Variants in ANKS1B observed in about 807,000 individuals in gnomAD.
ANKS1B encodes ankyrin repeat and sterile alpha motif domain-containing protein 1B.
A neutral mutation model predicts 148.3 loss-of-function variants in ANKS1B; 36 were observed. That is an observed-to-expected ratio of 0.24 (90% CI 0.19 to 0.32). The LOEUF (loss-of-function observed/expected upper bound fraction) is 0.32, where lower values mean the gene tolerates loss of function less well. Ranked by LOEUF, ANKS1B falls within the 10% of genes least tolerant of loss-of-function variation. The pLI is 1.00. For missense variants in ANKS1B, 1,157 were observed against 1,542.6 expected, an observed-to-expected ratio of 0.75 and a Z score of 4.19; for synonymous variants, 542 against 560.8, an observed-to-expected ratio of 0.97 and a Z score of 0.47.
chr12:99,013,977 A>AAACT (rs1426277252), intron 17 of ANKS1B, among the ~76,000 whole-genome samples: 1 of 152,216 alleles, frequency 6.6e-6, no homozygotes, highest in Non-Finnish European at 1.5e-5. Context: ...TATTCCTATC[A>AAACT]AACTACCATT....
intron 9 of ANKS1B, among the ~76,000 whole-genome samples, chr12:99,519,111 AT>A (rs2096850717): frequency 6.6e-6 from 1 of 152,024 alleles, no homozygotes; most frequent in Non-Finnish European, 1.5e-5. Flanking sequence ...ATTTGGTTGA[AT>A]GTTTTCAAAT....
At chr12:98,758,576 C>G (rs1454724362) in intron 25 of ANKS1B, among the ~76,000 whole-genome samples, 1 of 152,074 alleles carries the variant, frequency 6.6e-6, no homozygotes, top group African/African-American at 2.4e-5. Context: ...CACAGGAATT[C>G]TTCATCTTTG....
intron 12 of ANKS1B, among the ~76,000 whole-genome samples, chr12:99,394,402 G>A (rs1370954043): frequency 6.6e-6 from 1 of 152,004 alleles, no homozygotes; most frequent in Non-Finnish European, 1.5e-5. Context: ...ATTCCCCTGT[G>A]AAGAAATTCC....
chr12:99,182,925 A>G (rs2079301946), intron 14 of ANKS1B, among the ~76,000 whole-genome samples: 1 of 152,186 alleles, frequency 6.6e-6, no homozygotes, highest in African/African-American at 2.4e-5. Context: ...TGTTGAACAC[A>G]CTTTTATATG....
At chr12:99,873,874 C>G (rs1156806921) in intron 1 of ANKS1B, among the ~76,000 whole-genome samples, 1 of 151,984 alleles carries the variant, frequency 6.6e-6, no homozygotes, top group Non-Finnish European at 1.5e-5. Flanking sequence ...GGGGATTCCA[C>G]CAGCAGACCA....
At chr12:99,239,811 C>G (rs1297796926) in intron 14 of ANKS1B, among the ~76,000 whole-genome samples, 1 of 152,152 alleles carries the variant, frequency 6.6e-6, no homozygotes, top group Non-Finnish European at 1.5e-5. Flanking sequence ...CATATCCAGC[C>G]AAATTATGCT....
chr12:99,443,809 T>C lies in ANKS1B; in HGVS notation c.1439A>G (p.Asp480Gly), dbSNP rs371800284. 4.0e-5 allele frequency: 64 copies of C among 1,609,276 alleles called. 1 individual carries two copies. Among genetic ancestry groups the C allele is most frequent in the East Asian group, 2.9e-4 (13 of 44,784 alleles). The change falls in exon 11 of 27, where the codon GAT becomes GGT. Residue 480 changes from aspartate to glycine, a missense_variant and splice_region_variant. Physicochemically the swap from Asp to Gly is moderately conservative, Grantham distance 94. Around this residue, in one of 6 missense-constraint regions of ANKS1B, gnomAD observed 661 missense variants for 642.1 expected, o/e 1.03. Transcript: ENST00000683438. Reference sequence around the variant, plus strand: ...AGTAACTGCTACCTCAGAGGCATTATCTGTGAATAAAAATAGAACTGCCAT... The same window carrying C: ...AGTAACTGCTACCTCAGAGGCATTACCTGTGAATAAAAATAGAACTGCCAT... ...EIARAPSPRTDNASEVAVTTP... is the reference protein window; with the variant it reads ...EIARAPSPRTGNASEVAVTTP...
intron 1 of ANKS1B, among the ~76,000 whole-genome samples, chr12:99,933,882 A>G (rs1417928530): frequency 6.6e-6 from 1 of 152,114 alleles, no homozygotes; most frequent in Non-Finnish European, 1.5e-5. Flanking sequence ...GGTCTGTTGT[A>G]TATTGCTTTT....
At chr12:98,921,649 A>T (rs920163725) in intron 17 of ANKS1B, among the ~76,000 whole-genome samples, 4 of 152,082 alleles carry the variant, frequency 2.6e-5, no homozygotes, top group African/African-American at 9.7e-5. Flanking sequence ...ATGGACTAGA[A>T]GGGTTCCTGG....
Position 99,405,341 on chromosome 12 carries a change from T to C in ANKS1B, c.1576-5530A>G, listed in dbSNP as rs915755440. Among the ~76,000 whole-genome samples, 12 of 145,330 alleles carry C rather than the reference T, an allele frequency of 8.3e-5. 3 individuals are homozygous for C. Among genetic ancestry groups the C allele is most frequent in the Admixed American group, 2.7e-4 (4 of 14,692 alleles). On this transcript the variant is annotated intron_variant, in intron 11 of 26. Transcript: ENST00000683438. ...ACAAGTATGAAAACTTTTCAAGACA[T>C]AGACAGTACAATAAGACATAAATAG...
chr12:99,304,548 T>A (rs1262593592), intron 12 of ANKS1B, among the ~76,000 whole-genome samples: 5 of 152,104 alleles, frequency 3.3e-5, no homozygotes, highest in African/African-American at 1.2e-4. Flanking sequence ...TTTGTGACAA[T>A]GTTGTTCCTG....
At chr12:98,895,764 GGA>G (rs1162963917) in intron 17 of ANKS1B, among the ~76,000 whole-genome samples, 1 of 152,126 alleles carries the variant, frequency 6.6e-6, no homozygotes, top group African/African-American at 2.4e-5. Flanking sequence ...CAACAGTTGT[GGA>G]AATTTACTTT....
intron 15 of ANKS1B, among the ~76,000 whole-genome samples, chr12:99,108,433 A>G (rs1302692097): frequency 6.6e-6 from 1 of 152,234 alleles, no homozygotes; most frequent in Non-Finnish European, 1.5e-5. Flanking sequence ...AATGAATGAA[A>G]GCATGAATGG....
intron 12 of ANKS1B, among the ~76,000 whole-genome samples, chr12:99,309,678 C>T (rs60030876): frequency 1.8e-3 from 280 of 152,152 alleles, no homozygotes; most frequent in African/African-American, 6.6e-3. Flanking sequence ...TATACTTTGT[C>T]CATTTTATTT....
chr12:99,035,009 G>A (rs2099954624), intron 17 of ANKS1B, among the ~76,000 whole-genome samples: 1 of 152,200 alleles, frequency 6.6e-6, no homozygotes, highest in Non-Finnish European at 1.5e-5. Flanking sequence ...GATGTGAGCT[G>A]AGATGATGTG....
chr12:99,134,781 A>G (rs1318150004), intron 15 of ANKS1B, among the ~76,000 whole-genome samples: 1 of 151,970 alleles, frequency 6.6e-6, no homozygotes, highest in East Asian at 1.9e-4. Context: ...CTTTCTGGGG[A>G]GAGCTGGAGC....
chr12:99,082,818 G>A (rs750345804), intron 16 of ANKS1B, among the ~76,000 whole-genome samples: 1 of 152,140 alleles, frequency 6.6e-6, no homozygotes, highest in African/African-American at 2.4e-5. Context: ...AACTTTAAAT[G>A]AATGGCAGCA....
At chr12:99,490,595 A>G (rs780272758) in intron 10 of ANKS1B, among the ~76,000 whole-genome samples, 11 of 152,374 alleles carry the variant, frequency 7.2e-5, no homozygotes, top group Non-Finnish European at 7.4e-5. Flanking sequence ...TGAAAGGCCA[A>G]TTGAAGAACT....
At chr12:99,558,150 A>G (rs999660999) in intron 9 of ANKS1B, among the ~76,000 whole-genome samples, 5 of 152,180 alleles carry the variant, frequency 3.3e-5, no homozygotes, top group African/African-American at 1.2e-4. Context: ...CCAGCAGTGC[A>G]GTGGGGATGC....
Sources: allele counts gnomAD v4.1 joint callset (sites outside exome capture counted in the v4.1 genomes callset), GRCh38; gene constraint gnomAD v4.1.1; regional missense constraint gnomAD v4.1.1; transcripts MANE v1.5; gene names NCBI Gene and HGNC (gene_info 2026-07-23, HGNC 2026-07-21).